Variants in SNRPC observed in about 807,000 individuals in gnomAD.
SNRPC encodes the protein U1 small nuclear ribonucleoprotein C.
A neutral mutation model predicts 20.0 loss-of-function variants in SNRPC; 5 were observed. The observed-to-expected ratio is 0.25, with a 90% CI of 0.13 to 0.53. The LOEUF (loss-of-function observed/expected upper bound fraction) is 0.53, where lower values mean the gene tolerates loss of function less well. SNRPC is among the 20% of genes least tolerant of loss of function. SNRPC has a pLI of 0.96. For synonymous variants in SNRPC, 61 were observed against 58.7 expected (o/e 1.04, Z -0.18); for missense variants, 112 against 224.1 (o/e 0.50, Z 3.19).
Position 34,773,409 on chromosome 6 carries a change from C to T in SNRPC, c.356-37C>T. 3.1e-6 allele frequency: 5 copies of T among 1,598,850 alleles called. No homozygotes were observed. Among genetic ancestry groups the T allele is most frequent in the Non-Finnish European group, 4.3e-6 (5 of 1,169,574 alleles). On this transcript the variant is annotated intron_variant, in intron 5 of 5. Transcript: ENST00000244520. The surrounding 1 kb of genome is among the most constrained non-coding windows in gnomAD (Gnocchi z 4.1). Reference sequence around the variant, plus strand: ...ACTCTCCCTAAATCGTATTTTCTGACTCCCTTTTTCTCCCTCTTCTTTGTT... The same window carrying T: ...ACTCTCCCTAAATCGTATTTTCTGATTCCCTTTTTCTCCCTCTTCTTTGTT...
intron 5 of SNRPC, among the ~76,000 whole-genome samples, chr6:34,772,652 G>A (rs1265720454): frequency 6.6e-6 from 1 of 152,090 alleles, no homozygotes; most frequent in Non-Finnish European, 1.5e-5. Context: ...AAAGAATATA[G>A]ATAACGTGAA....
chr6:34,772,454 C>T (rs183936630), intron 5 of SNRPC, among the ~76,000 whole-genome samples: 44 of 152,166 alleles, frequency 2.9e-4, no homozygotes, highest in African/African-American at 1.0e-3. Flanking sequence ...GTAGTATTCT[C>T]TGTTCCTGTT....
At chr6:34,769,960 C>T (rs993461675) in intron 4 of SNRPC, among the ~76,000 whole-genome samples, 28 of 152,292 alleles carry the variant, frequency 1.8e-4, no homozygotes, top group Middle Eastern at 3.4e-3. Flanking sequence ...CAGTGGCTCA[C>T]GCCTGTAATC....
intron 3 of SNRPC, among the ~76,000 whole-genome samples, chr6:34,764,533 C>T (rs985625499): frequency 3.3e-5 from 5 of 151,772 alleles, no homozygotes; most frequent in Non-Finnish European, 5.9e-5. Flanking sequence ...CATGGTGGTG[C>T]GTGCCTGTAG....
intron 1 of SNRPC, 26 bp from the exon 2 acceptor site, chr6:34,757,886 T>C (rs1452167778): frequency 6.4e-7 from 1 of 1,560,060 alleles, no homozygotes; most frequent in Non-Finnish European, 8.7e-7. Flanking sequence ...TTGTCGTCTT[T>C]TTCTCTTCCT....
chr6:34,771,616 A>C (rs1234481862), intron 5 of SNRPC, among the ~76,000 whole-genome samples: 3 of 152,150 alleles, frequency 2.0e-5, no homozygotes, highest in Non-Finnish European at 4.4e-5. Context: ...TTGCAGAAAA[A>C]TTATATATAT....
chr6:34,771,635 A>C (rs1176415775), intron 5 of SNRPC, among the ~76,000 whole-genome samples: 1 of 152,162 alleles, frequency 6.6e-6, no homozygotes, highest in African/African-American at 2.4e-5. Flanking sequence ...ATATAATTGG[A>C]GTAATAACTA....
intron 2 of SNRPC, among the ~76,000 whole-genome samples, chr6:34,758,346 G>A (rs1021643287): frequency 5.3e-5 from 8 of 151,612 alleles, no homozygotes; most frequent in Non-Finnish European, 1.0e-4. Context: ...ACGGAGTTTC[G>A]CTCTTGTTGC....
At chr6:34,768,792 A>G (rs189108181) in intron 4 of SNRPC, among the ~76,000 whole-genome samples, 134 of 151,716 alleles carry the variant, frequency 8.8e-4, no homozygotes, top group African/African-American at 2.6e-3. Context: ...AAGGAAAGGT[A>G]AGAATTAGAT....
chr6:34,770,405 A>C lies in SNRPC; in HGVS notation c.355+10A>C. 6.5e-7 allele frequency: 1 copy of C among 1,535,268 alleles called. No homozygotes were observed. The highest frequency in any genetic ancestry group is 9.0e-7 in the Non-Finnish European group (1 of 1,108,172). On this transcript the variant is annotated intron_variant, in intron 5 of 5. Coordinates refer to ENST00000244520, the MANE Select transcript of SNRPC (RefSeq NM_003093.3). ...ATGCCAGTGGGACCTGGTAAGTTTG[A>C]ATGTCTGTCTTTCTAGTTTGTTCCA...
At position 34,767,959 on chromosome 6, in the gene SNRPC, C is replaced by G; in HGVS notation, c.212C>G (p.Pro71Arg). The G allele has an allele frequency of 6.2e-7, 1 of 1,612,404 alleles. No individual in the cohort carries two copies. The change falls in exon 4 of 6, where the codon CCT (proline) becomes CGT (arginine). Residue 71 changes from proline (P) to arginine (R), a missense_variant. By Grantham distance (103) the Pro-to-Arg change is moderately radical (BLOSUM62 -2). Transcript: ENST00000244520. Reference sequence around the variant, plus strand: ...CCTCCTACTCCATTCTCTGCTCCTCCTCCTGCAGGGGCGATGATACCACCT... The same window carrying G: ...CCTCCTACTCCATTCTCTGCTCCTCGTCCTGCAGGGGCGATGATACCACCT... ...KIPPTPFSAP[P>R]PAGAMIPPPP...
intron 4 of SNRPC, among the ~76,000 whole-genome samples, chr6:34,768,751 CT>C (rs1373420362): frequency 2.2e-4 from 25 of 115,810 alleles, no homozygotes; most frequent in Middle Eastern, 4.5e-3. Context: ...AAGACTTTGT[CT>C]CAAAAAAAAA....
chr6:34,761,119 C>T (rs904959964), intron 2 of SNRPC, among the ~76,000 whole-genome samples: 3 of 150,928 alleles, frequency 2.0e-5, no homozygotes, highest in African/African-American at 7.3e-5. Context: ...AATTTTTGGA[C>T]TTTGGTTGAT....
Position 34,762,706 on chromosome 6 carries a change from A to G in SNRPC, c.160+3A>G, listed in dbSNP as rs779008223. 7.1e-6 allele frequency: 10 copies of G among 1,403,894 alleles called. No individual in the cohort carries two copies. Among genetic ancestry groups the G allele is most frequent in the Non-Finnish European group, 1.0e-5 (10 of 989,080 alleles). 87.0% of individuals were successfully genotyped at this position (1,403,894 alleles called of 1,614,324 possible). The stretch of plus-strand genomic sequence containing the variant: ...TCAGAGCCTGATTGACAAAACAAGT[A>G]TGTTTCAATCTCTTGTTCTGCTGTG... On this transcript the variant is annotated splice_donor_region_variant and intron_variant, in intron 3 of 5. Transcript: ENST00000244520.
Position 34,762,572 on chromosome 6 carries a change from G to C in SNRPC, c.52-23G>C, listed in dbSNP as rs1036429888. 4 of 1,267,482 alleles carry C rather than the reference G, an allele frequency of 3.2e-6. No homozygotes were observed. The African/African-American group carries it at 5.9e-5, about 19-fold the overall frequency. 78.5% of individuals were successfully genotyped at this position (1,267,482 alleles called of 1,614,324 possible). On this transcript the variant is annotated intron_variant, in intron 2 of 5. Transcript: ENST00000244520. ...GTGTTGGACATTTGTTTCTACGTCT[G>C]ATATGATCTTTTTATTTTACAGCCA...
chr6:34,757,703 C>A, intron 1 of SNRPC, 152 bp downstream of exon 1: 1 of 1,386,080 alleles, frequency 7.2e-7, no homozygotes, highest in Non-Finnish European at 1.0e-6. Flanking sequence ...GAGCGCTAGA[C>A]ACCCCATTTT....
At chr6:34,768,234 T>C (rs932078491) in intron 4 of SNRPC, among the ~76,000 whole-genome samples, 53 of 152,220 alleles carry the variant, frequency 3.5e-4, no homozygotes, top group African/African-American at 1.2e-3. Context: ...ACTAAGATAC[T>C]GTATTTGTGG....
chr6:34,770,177 G>A (rs1217194601), intron 4 of SNRPC, 114 bp from the exon 5 acceptor site: 39 of 788,796 alleles, frequency 4.9e-5, no homozygotes, highest in Non-Finnish European at 6.0e-5. Context: ...AGCCGAGATT[G>A]TGCCATTGCA....
chr6:34,761,760 C>T (rs192600804), intron 2 of SNRPC, among the ~76,000 whole-genome samples: 4 of 149,202 alleles, frequency 2.7e-5, no homozygotes, highest in East Asian at 2.0e-4. Context: ...CCACCCACCT[C>T]GGCCTCCCAA....
Sources: allele counts gnomAD v4.1 joint callset (sites outside exome capture counted in the v4.1 genomes callset), GRCh38; gene constraint gnomAD v4.1.1; non-coding constraint Gnocchi (gnomAD v3.1); transcripts MANE v1.5; gene names NCBI Gene and HGNC (gene_info 2026-07-23, HGNC 2026-07-21).